MAP3K3: variants seen among roughly 807,000 people sequenced by gnomAD.
MAP3K3 encodes MAP/ERK kinase kinase 3.
A neutral mutation model predicts 80.9 loss-of-function variants in MAP3K3; 12 were observed. The observed-to-expected ratio is 0.15, with a 90% CI of 0.10 to 0.24. The LOEUF is 0.24. Among genes scored for constraint, MAP3K3 ranks in the 10% least tolerant of loss-of-function variants. The pLI, the probability that MAP3K3 is intolerant of heterozygous loss-of-function variation, is 1.00. For synonymous variants in MAP3K3, 272 were observed against 307.1 expected (o/e 0.89, Z 1.19); for missense variants, 596 against 834.7 (o/e 0.71, Z 3.52).
intron 5 of MAP3K3, among the ~76,000 whole-genome samples, chr17:63,665,632 C>T (rs539847085): frequency 2.0e-5 from 3 of 152,280 alleles, no homozygotes; most frequent in Admixed American, 6.5e-5. Flanking sequence ...GACTATGACC[C>T]TCCCTTGCCC....
intron 1 of MAP3K3, among the ~76,000 whole-genome samples, chr17:63,626,953 A>G (rs954753884): frequency 2.6e-5 from 4 of 152,244 alleles, no homozygotes; most frequent in Non-Finnish European, 5.9e-5. Context: ...ACCATACGGG[A>G]TAACAATGTT....
rs182294643 is a variant in MAP3K3, at chr17:63,627,408, G to A, written c.4+4645G>A. Among the ~76,000 whole-genome samples the A allele has an allele frequency of 3.3e-4, 50 of 151,566 alleles. 2 individuals are homozygous for A. Among genetic ancestry groups the A allele is most frequent in the Admixed American group, 1.1e-3 (17 of 15,228 alleles). ...TTCAAAGTTATAAGCACACTATTAC[G>A]CTACCTCAACTTGTTCACGTGTAAA... On this transcript the variant is annotated intron_variant, in intron 1 of 15. Transcript: ENST00000361733.
At chr17:63,652,436 T>G in intron 3 of MAP3K3, 121 bp from the exon 4 acceptor site, 1 of 672,574 alleles carries the variant, frequency 1.5e-6, no homozygotes, top group Non-Finnish European at 2.6e-6. Flanking sequence ...AAAGGCAAAT[T>G]GAGTGAAAGA....
intron 6 of MAP3K3, among the ~76,000 whole-genome samples, chr17:63,667,678 C>T (rs2035027487): frequency 6.6e-6 from 1 of 152,186 alleles, no homozygotes; most frequent in South Asian, 2.1e-4. Flanking sequence ...CCCACATCCT[C>T]CTTCATAGTT....
In MAP3K3 at chr17:63,691,024, C is replaced by G; in HGVS notation, c.1213-78C>G. The stretch of plus-strand genomic sequence containing the variant: ...AGGCAGATCCCTGTGAGGCCACTAA[C>G]TAGGGCAAGCTGAGCTGAACCCAGG... On this transcript the variant is annotated intron_variant, in intron 12 of 15. Coordinates refer to ENST00000361733, the MANE Select transcript of MAP3K3 (RefSeq NM_002401.5). The surrounding 1 kb of genome is among the most constrained non-coding windows in gnomAD (Gnocchi z 4.8). 1 of 1,580,050 alleles carries G rather than the reference C, an allele frequency of 6.3e-7. No homozygotes were observed. Among genetic ancestry groups the G allele is most frequent in the Non-Finnish European group, 8.6e-7 (1 of 1,156,782 alleles).
rs561142724 is a variant in MAP3K3, at chr17:63,690,094, G to A, written c.1064-170G>A. Reference sequence around the variant, plus strand: ...TTCTTAGGACTCTGACTTCAGGTCCGAGTGACTAGGGCACTGGGCTTGCTC... The same window carrying A: ...TTCTTAGGACTCTGACTTCAGGTCCAAGTGACTAGGGCACTGGGCTTGCTC... On this transcript the variant is annotated intron_variant, in intron 11 of 15. Coordinates refer to ENST00000361733, the MANE Select transcript of MAP3K3 (RefSeq NM_002401.5). 1.5e-4 allele frequency: 111 copies of A among 719,936 alleles called. No homozygotes were observed. The African/African-American group carries it at 1.7e-3, about 11-fold the overall frequency. 44.6% of individuals were successfully genotyped at this position (719,936 alleles called of 1,614,324 possible). A position where few individuals can be genotyped will look rare whatever the true frequency, so the allele number is the denominator to read the frequency against.
At chr17:63,629,127 G>C (rs1311288104) in intron 1 of MAP3K3, among the ~76,000 whole-genome samples, 1 of 151,182 alleles carries the variant, frequency 6.6e-6, no homozygotes, top group East Asian at 1.9e-4. Flanking sequence ...GTTGTTATTT[G>C]TTGTTTTTTT....
intron 8 of MAP3K3, among the ~76,000 whole-genome samples, chr17:63,686,911 C>T (rs1247586648): frequency 6.6e-6 from 1 of 152,154 alleles, no homozygotes; most frequent in Non-Finnish European, 1.5e-5. Context: ...TAGATCCAGT[C>T]CCAGCTCCAC....
chr17:63,630,971 G>T (rs992418220), intron 1 of MAP3K3, among the ~76,000 whole-genome samples: 2 of 152,028 alleles, frequency 1.3e-5, no homozygotes, highest in Non-Finnish European at 1.5e-5. Flanking sequence ...AGCAGATTTC[G>T]TCTAGGAAGA....
intron 2 of MAP3K3, chr17:63,634,758 C>G (rs1283183023): frequency 6.2e-7 from 1 of 1,613,976 alleles, no homozygotes; most frequent in Non-Finnish European, 8.5e-7. Context: ...CCCACAGTAA[C>G]AACAAGCTCA....
intron 2 of MAP3K3, among the ~76,000 whole-genome samples, chr17:63,635,604 T>C (rs7209435): frequency 0.38 from 57,835 of 151,952 alleles, 14,373 homozygotes; most frequent in African/African-American, 0.71. Context: ...GGGTAAGAGG[T>C]AGTGCGGGGA....
At chr17:63,632,402 A>C (rs546945326) in intron 1 of MAP3K3, among the ~76,000 whole-genome samples, 10 of 152,232 alleles carry the variant, frequency 6.6e-5, no homozygotes, top group Middle Eastern at 6.8e-3. Flanking sequence ...TGATGTGGGA[A>C]GGTCACTTGA....
intron 1 of MAP3K3, among the ~76,000 whole-genome samples, chr17:63,628,260 A>G (rs924721932): frequency 3.3e-5 from 5 of 152,074 alleles, no homozygotes; most frequent in African/African-American, 9.6e-5. Context: ...AAAATCATCC[A>G]TATAACCTCT....
chr17:63,663,158 A>G (rs2034930803), intron 5 of MAP3K3, among the ~76,000 whole-genome samples: 1 of 152,166 alleles, frequency 6.6e-6, no homozygotes, highest in South Asian at 2.1e-4. Context: ...TGTCCAGAAG[A>G]CAAAATTTTC....
chr17:63,665,407 C>T lies in MAP3K3; in HGVS notation c.382-1533C>T, dbSNP rs192213096. Among the ~76,000 whole-genome samples the T allele has an allele frequency of 5.6e-3, 857 of 152,116 alleles. 6 individuals carry two copies. The highest frequency in any genetic ancestry group is 0.019 in the African/African-American group (783 of 41,528). ...GTCTTGATCTCCTGACCTCATGATC[C>T]GCCCGCCTCAGCCTCCCAAAGTGCT... is the stretch of plus-strand genomic sequence containing the variant. On this transcript the variant is annotated intron_variant, in intron 5 of 15. Coordinates refer to ENST00000361733, the MANE Select transcript of MAP3K3 (RefSeq NM_002401.5).
At chr17:63,650,381 A>G (rs1264775594) in intron 3 of MAP3K3, among the ~76,000 whole-genome samples, 1 of 152,098 alleles carries the variant, frequency 6.6e-6, no homozygotes, top group African/African-American at 2.4e-5. Context: ...AGCTCACTGC[A>G]ACCTCTGCCT....
At chr17:63,680,706 C>T (rs1405456808) in intron 6 of MAP3K3, among the ~76,000 whole-genome samples, 1 of 152,232 alleles carries the variant, frequency 6.6e-6, no homozygotes, top group East Asian at 1.9e-4. Flanking sequence ...GATGATAAAC[C>T]ATTTCATCTT....
Position 63,691,034 on chromosome 17 carries a change from C to T in MAP3K3, c.1213-68C>T. On this transcript the variant is annotated intron_variant, in intron 12 of 15. Transcript: ENST00000361733. The surrounding 1 kb of genome is among the most constrained non-coding windows in gnomAD (Gnocchi z 4.8). ...CTGTGAGGCCACTAACTAGGGCAAG[C>T]TGAGCTGAACCCAGGCGGGCAGAAC... 2 of 1,599,142 alleles carry T rather than the reference C, an allele frequency of 1.3e-6. No homozygotes were observed. The highest frequency in any genetic ancestry group is 1.7e-6 in the Non-Finnish European group (2 of 1,171,340).
intron 3 of MAP3K3, among the ~76,000 whole-genome samples, chr17:63,650,721 T>G (rs2034638102): frequency 1.3e-5 from 2 of 148,654 alleles, no homozygotes; most frequent in Admixed American, 6.7e-5. Flanking sequence ...AGACAGGGTC[T>G]CATTCTGTTG....
Sources: gnomAD v4.1 joint callset for allele counts (sites outside exome capture counted in the v4.1 genomes callset) on GRCh38, gnomAD v4.1.1 for gene constraint, Gnocchi (gnomAD v3.1) non-coding constraint, MANE v1.5 for transcripts, NCBI Gene and HGNC (gene_info 2026-07-23, HGNC 2026-07-21) for gene names.